KCNH7: variants seen among roughly 807,000 people sequenced by gnomAD.
The protein encoded by KCNH7 is voltage-gated inwardly rectifying potassium channel KCNH7.
In KCNH7, 49 loss-of-function variants were observed where a neutral mutation model predicts 120.8. That is an observed-to-expected ratio of 0.41 (90% CI 0.32 to 0.51). The LOEUF is 0.51. Among genes scored for constraint, KCNH7 ranks in the 20% least tolerant of loss-of-function variants. KCNH7 has a pLI of 0.38. For synonymous variants in KCNH7, 547 were observed against 516.1 expected (o/e 1.06, Z -0.81); for missense variants, 1,097 against 1,446.6 (o/e 0.76, Z 3.92).
intron 11 of KCNH7, among the ~76,000 whole-genome samples, chr2:162,395,803 C>G (rs1040096795): frequency 3.3e-5 from 5 of 151,498 alleles, no homozygotes; most frequent in Non-Finnish European, 3.0e-5. Context: ...TCTTTTAAGC[C>G]TCTCATGGTA....
At chr2:162,466,562 C>A (rs1358645888) in intron 6 of KCNH7, among the ~76,000 whole-genome samples, 1 of 152,164 alleles carries the variant, frequency 6.6e-6, no homozygotes, top group African/African-American at 2.4e-5. Flanking sequence ...TGGGTGGGAA[C>A]ACAACCAAAC....
intron 6 of KCNH7, among the ~76,000 whole-genome samples, chr2:162,469,754 C>T (rs552941777): frequency 5.3e-5 from 8 of 151,944 alleles, no homozygotes; most frequent in Admixed American, 2.0e-4. Context: ...CCTCTGATGC[C>T]GAGCTGAAGC....
intron 2 of KCNH7, among the ~76,000 whole-genome samples, chr2:162,589,201 G>A (rs985422032): frequency 2.6e-5 from 4 of 152,030 alleles, no homozygotes; most frequent in Non-Finnish European, 4.4e-5. Context: ...TAGACCGAAC[G>A]ACTCCCAGTG....
intron 2 of KCNH7, among the ~76,000 whole-genome samples, chr2:162,582,880 G>A (rs1693924099): frequency 6.6e-6 from 1 of 152,098 alleles, no homozygotes; most frequent in Non-Finnish European, 1.5e-5. Flanking sequence ...TTGGATATTA[G>A]AGGACACCTG....
chr2:162,663,077 T>A (rs1685021092), intron 2 of KCNH7, among the ~76,000 whole-genome samples: 2 of 152,284 alleles, frequency 1.3e-5, no homozygotes, highest in South Asian at 2.1e-4. Context: ...CAATGAGAAG[T>A]GTAAGCACAT....
chr2:162,762,699 G>A (rs1489581303), intron 2 of KCNH7, among the ~76,000 whole-genome samples: 1 of 151,998 alleles, frequency 6.6e-6, no homozygotes, highest in Non-Finnish European at 1.5e-5. Flanking sequence ...TTGGATTTTA[G>A]TCATAGTGTC....
At chr2:162,528,459 T>C (rs1052183315) in intron 3 of KCNH7, 1 of 151,728 alleles carries the variant, frequency 6.6e-6, no homozygotes, top group African/African-American at 2.4e-5. Context: ...AGATGAAGAG[T>C]CCTTTGGAAT....
At position 162,446,125 on chromosome 2, in the gene KCNH7, T is replaced by C. The variant is rs1434527831; in HGVS notation, c.1447A>G (p.Ser483Gly). 1 of 1,613,734 alleles carries C rather than the reference T, an allele frequency of 6.2e-7. No homozygotes were observed. Among genetic ancestry groups the C allele is most frequent in the Non-Finnish European group, 8.5e-7 (1 of 1,179,812 alleles). Reference sequence around the variant, plus strand: ...TGTATTGCTATTTTGGCGGGATCACTTACCACTTCTTCATTCTGATTTACA... The same window carrying C: ...TGTATTGCTATTTTGGCGGGATCACCTACCACTTCTTCATTCTGATTTACA... ...TYVNQNEEVV[S>G]DPAKIAIHYF... The change falls in exon 7 of 16, where the codon AGT becomes GGT. Residue 483 changes from serine (S) to glycine (G), a missense_variant. This residue lies in a region of KCNH7 where 109 missense variants were observed against 196.8 expected (regional missense o/e 0.55). Coordinates refer to ENST00000332142, the MANE Select transcript of KCNH7 (RefSeq NM_033272.4).
chr2:162,833,413 A>G (rs1685546539), intron 2 of KCNH7, among the ~76,000 whole-genome samples: 2 of 152,184 alleles, frequency 1.3e-5, no homozygotes, highest in East Asian at 1.9e-4. Flanking sequence ...TTATGCTATT[A>G]AAATACATGC....
intron 3 of KCNH7, among the ~76,000 whole-genome samples, chr2:162,524,507 T>G (rs1235946925): frequency 1.3e-5 from 2 of 152,012 alleles, no homozygotes; most frequent in Non-Finnish European, 2.9e-5. Context: ...ATAGCCATCT[T>G]TTGGCCTGAA....
chr2:162,811,907 T>A (rs1421535502), intron 2 of KCNH7, among the ~76,000 whole-genome samples: 2 of 152,086 alleles, frequency 1.3e-5, no homozygotes, highest in Non-Finnish European at 2.9e-5. Context: ...GATAAAAAAA[T>A]TAGATAAATT....
At chr2:162,728,182 TA>T (rs1405794193) in intron 2 of KCNH7, among the ~76,000 whole-genome samples, 1 of 151,792 alleles carries the variant, frequency 6.6e-6, no homozygotes, top group African/African-American at 2.4e-5. Context: ...TTTTTTTTTT[TA>T]ATTAGGCATT....
intron 2 of KCNH7, among the ~76,000 whole-genome samples, chr2:162,645,382 G>T (rs904586163): frequency 1.3e-5 from 2 of 152,100 alleles, no homozygotes; most frequent in Non-Finnish European, 2.9e-5. Flanking sequence ...TTTTGACCTT[G>T]TGATCCACCT....
intron 2 of KCNH7, among the ~76,000 whole-genome samples, chr2:162,769,453 T>C (rs1682954359): frequency 1.3e-5 from 2 of 152,108 alleles, no homozygotes; most frequent in African/African-American, 4.8e-5. Context: ...TGAATATTCA[T>C]AAACTAATAA....
intron 2 of KCNH7, among the ~76,000 whole-genome samples, chr2:162,739,537 C>A (rs967200576): frequency 6.6e-6 from 1 of 152,120 alleles, no homozygotes; most frequent in African/African-American, 2.4e-5. Flanking sequence ...CTGTTGCTGG[C>A]CTCTGGAATA....
chr2:162,669,176 T>G (rs972635530), intron 2 of KCNH7, among the ~76,000 whole-genome samples: 2 of 152,156 alleles, frequency 1.3e-5, no homozygotes, highest in African/African-American at 4.8e-5. Context: ...TTTTTTTAGA[T>G]TTTTGAAGAT....
At chr2:162,487,144 T>C (rs1440762242) in intron 6 of KCNH7, among the ~76,000 whole-genome samples, 1 of 152,172 alleles carries the variant, frequency 6.6e-6, no homozygotes, top group Non-Finnish European at 1.5e-5. Flanking sequence ...TCCAGTATGA[T>C]CGTGTTAATA....
At chr2:162,597,042 A>G (rs1406725653) in intron 2 of KCNH7, among the ~76,000 whole-genome samples, 1 of 152,136 alleles carries the variant, frequency 6.6e-6, no homozygotes, top group Non-Finnish European at 1.5e-5. Flanking sequence ...AAAAAGATGT[A>G]AAATAAGCGT....
intron 2 of KCNH7, among the ~76,000 whole-genome samples, chr2:162,673,749 T>C (rs913575310): frequency 2.0e-5 from 3 of 152,058 alleles, no homozygotes; most frequent in African/African-American, 7.2e-5. Flanking sequence ...CACCAAGACA[T>C]TGGATTTTTG....
Sources: gnomAD v4.1 joint callset for allele counts (sites outside exome capture counted in the v4.1 genomes callset) on GRCh38, gnomAD v4.1.1 for gene constraint, gnomAD v4.1.1 regional missense constraint, MANE v1.5 for transcripts, NCBI Gene and HGNC (gene_info 2026-07-23, HGNC 2026-07-21) for gene names.